Variants in PHLDB1 observed in about 807,000 individuals in gnomAD.
The protein encoded by PHLDB1 is pleckstrin homology like domain family B member 1, also known as pleckstrin homology-like domain family B member 1.
PHLDB1 carries 65 observed loss-of-function variants against 139.3 expected under a neutral mutation model. The ratio of observed to expected loss-of-function variants is 0.47; its 90% CI spans 0.38 to 0.57. The LOEUF is 0.57. Among genes scored for constraint, PHLDB1 ranks in the 20% least tolerant of loss-of-function variants. The pLI, the probability that PHLDB1 is intolerant of heterozygous loss-of-function variation, is 0.00. For synonymous variants in PHLDB1, 679 were observed against 734.5 expected (o/e 0.92, Z 1.22); for missense variants, 1,624 against 1,839.7 (o/e 0.88, Z 2.14).
At chr11:118,635,292 C>CG (rs1945460189) in intron 9 of PHLDB1, 101 bp from the exon 10 acceptor site, 1 of 1,361,376 alleles carries the variant, frequency 7.3e-7, no homozygotes, top group Non-Finnish European at 1.0e-6. Context: ...CCAATTTCCC[C>CG]GGGTCCAGCC....
At position 118,645,054 on chromosome 11, in the gene PHLDB1, G is replaced by A. The variant is rs1226506399; in HGVS notation, c.3122-302G>A. 1.1e-5 allele frequency: 4 copies of A among 375,130 alleles called. No homozygotes were observed. The highest frequency in any genetic ancestry group is 1.9e-5 in the Non-Finnish European group (4 of 210,002). 23.2% of individuals were successfully genotyped at this position (375,130 alleles called of 1,614,324 possible). ...ACTTAGGCCTTGGTTGTGAGCTGGA[G>A]CCAACTGGCTGTCGTGCTGCCCCAG... On this transcript the variant is annotated intron_variant, in intron 15 of 22. Coordinates refer to ENST00000600882, the MANE Select transcript of PHLDB1 (RefSeq NM_001144758.3). This position sits in a 1 kb window ranked among gnomAD's most constrained non-coding sequence, Gnocchi z 5.1.
In PHLDB1 at chr11:118,608,411, G is replaced by A. The variant is rs376423054; in HGVS notation, c.-22+712G>A. Among the ~76,000 whole-genome samples, 44 of 152,304 alleles carry A rather than the reference G, an allele frequency of 2.9e-4. No individual in the cohort carries two copies. Among genetic ancestry groups the A allele is most frequent in the African/African-American group, 1.0e-3 (42 of 41,568 alleles). Reference sequence around the variant, plus strand: ...GCGGAGGCTGACCCAAGTCATCCGGGCTCCCCCGGGATAGGGAAGTGCGGG... The same window carrying A: ...GCGGAGGCTGACCCAAGTCATCCGGACTCCCCCGGGATAGGGAAGTGCGGG... On this transcript the variant is annotated intron_variant, in intron 1 of 22. Coordinates refer to ENST00000600882, the MANE Select transcript of PHLDB1 (RefSeq NM_001144758.3). This position sits in a 1 kb window ranked among gnomAD's most constrained non-coding sequence, Gnocchi z 6.7.
chr11:118,616,124 C>A lies in PHLDB1; in HGVS notation c.268C>A (p.Leu90Met), dbSNP rs782379331. The change falls in exon 4 of 23, where the codon CTG (leucine) becomes ATG (methionine). Residue 90 changes from leucine (L) to methionine (M), a missense_variant. By Grantham distance (15) the Leu-to-Met change is conservative (BLOSUM62 2). Transcript: ENST00000600882. ...TCCAGAGCACTGCTACATCGAGAAC[C>A]TGCGGGGCACCCTCACCCTCTACCC... ...LAPEHCYIEN[L>M]RGTLTLYPCG... 4 of 1,614,124 alleles carry A rather than the reference C, an allele frequency of 2.5e-6. No individual in the cohort carries two copies. The highest frequency in any genetic ancestry group is 3.4e-6 in the Non-Finnish European group (4 of 1,179,960).
At chr11:118,642,068 T>TC in intron 12 of PHLDB1, 186 bp from the exon 13 acceptor site, 1 of 680,328 alleles carries the variant, frequency 1.5e-6, no homozygotes, top group South Asian at 1.7e-5. Flanking sequence ...CCTTCCTTCC[T>TC]CCCCTTCTTC....
chr11:118,625,792 G>T (rs781961163), intron 5 of PHLDB1, among the ~76,000 whole-genome samples: 13 of 152,102 alleles, frequency 8.5e-5, no homozygotes, highest in Non-Finnish European at 1.5e-4. Flanking sequence ...GTGATCACTG[G>T]GATTATCAGT....
rs1369554647 is a variant in PHLDB1, at chr11:118,657,204, G to A, written c.*381G>A. On this transcript the variant is annotated 3_prime_UTR_variant, in exon 23 of 23. Coordinates refer to ENST00000600882, the MANE Select transcript of PHLDB1 (RefSeq NM_001144758.3). ...GCTGAGCAGAGCCACATCCAGAGTG[G>A]GGTAATAGCTCAGGCGGCCCGCTTC... 1 of 167,456 alleles carries A rather than the reference G, an allele frequency of 6.0e-6. No homozygotes were observed. The highest frequency in any genetic ancestry group is 1.7e-4 in the East Asian group (1 of 6,050). The allele number at this position is 167,456 out of a possible 1,614,324, so 10.4% of individuals were successfully genotyped here.
At chr11:118,613,336 A>G (rs1415487501) in intron 1 of PHLDB1, 1 of 986,420 alleles carries the variant, frequency 1.0e-6, no homozygotes, top group African/African-American at 1.7e-5. Flanking sequence ...CAAATGGTGA[A>G]GAGGAGAATG....
chr11:118,646,531 T>A (rs1371783330), intron 17 of PHLDB1: 1 of 152,250 alleles, frequency 6.6e-6, no homozygotes, highest in Non-Finnish European at 1.5e-5. Context: ...ATGAGTGAAG[T>A]ATAGACCAGA....
intron 4 of PHLDB1, 38 bp from the exon 5 acceptor site, chr11:118,624,896 C>A: frequency 5.0e-6 from 8 of 1,607,746 alleles, no homozygotes; most frequent in Non-Finnish European, 6.8e-6. Flanking sequence ...AGGTGTGAGC[C>A]ACCACACCTG....
intron 12 of PHLDB1, 122 bp downstream of exon 12, chr11:118,639,373 A>G: frequency 1.4e-6 from 1 of 722,482 alleles, no homozygotes; most frequent in Admixed American, 2.1e-5. Flanking sequence ...TGAATGGGAG[A>G]GATTTGAGGA....
chr11:118,627,263 A>C (rs781828006), intron 5 of PHLDB1, 42 bp from the exon 6 acceptor site: 11 of 1,604,230 alleles, frequency 6.9e-6, no homozygotes, highest in Admixed American at 1.7e-5. Context: ...TTTTATGCAT[A>C]TGCAGCTCCC....
intron 9 of PHLDB1, chr11:118,634,363 C>G (rs1055802531): frequency 6.6e-6 from 1 of 152,440 alleles, no homozygotes; most frequent in Non-Finnish European, 1.5e-5. Flanking sequence ...CTTTAACATC[C>G]TCAGCTCCTG....
intron 20 of PHLDB1, chr11:118,651,633 A>G (rs4938520): frequency 0.31 from 47,607 of 151,142 alleles, 7,690 homozygotes; most frequent in Admixed American, 0.43. Flanking sequence ...CTAAAAATAC[A>G]AAAATTAGCT....
At chr11:118,623,238 G>A (rs782734667) in intron 4 of PHLDB1, among the ~76,000 whole-genome samples, 2 of 152,256 alleles carry the variant, frequency 1.3e-5, no homozygotes, top group African/African-American at 4.8e-5. Context: ...AGGAGGCTGA[G>A]GCCGGGGGCC....
Position 118,628,162 on chromosome 11 carries a change from G to C in PHLDB1, c.1339G>C (p.Gly447Arg). The change falls in exon 6 of 23, where the codon GGC becomes CGC. Residue 447 changes from glycine (G) to arginine (R), a missense_variant. Gly to Arg is a moderately radical substitution (Grantham distance 125). Coordinates refer to ENST00000600882, the MANE Select transcript of PHLDB1 (RefSeq NM_001144758.3). ...TLQPPESPRL[G>R]RRGLDSMREL... ...GCAGCCTCCTGAGAGTCCCCGCCTG[G>C]GCCGGCGGGGCCTGGACAGTATGCG... is the stretch of plus-strand genomic sequence containing the variant. 2 of 1,614,016 alleles carry C rather than the reference G, an allele frequency of 1.2e-6. No homozygotes were observed. Among genetic ancestry groups the C allele is most frequent in the Non-Finnish European group, 8.5e-7 (1 of 1,179,972 alleles).
rs1947283120 is a variant in PHLDB1, at chr11:118,645,190, C to G, written c.3122-166C>G. On this transcript the variant is annotated intron_variant, in intron 15 of 22. Transcript: ENST00000600882. This position sits in a 1 kb window ranked among gnomAD's most constrained non-coding sequence, Gnocchi z 5.1. ...GCAGGCGACTGAAGCATTGGCAGAG[C>G]AGCCAGGCCTGGAGCTGCAGGGGCC... 1 of 512,354 alleles carries G rather than the reference C, an allele frequency of 2.0e-6. No homozygotes were observed. The highest frequency in any genetic ancestry group is 3.8e-5 in the Admixed American group (1 of 26,654). The allele number at this position is 512,354 out of a possible 1,614,324, so 31.7% of individuals were successfully genotyped here. A position where few individuals can be genotyped will look rare whatever the true frequency, so the allele number is the denominator to read the frequency against.
chr11:118,613,787 C>G, intron 1 of PHLDB1, 29 bp from the exon 2 acceptor site: 3 of 1,471,664 alleles, frequency 2.0e-6, no homozygotes, highest in Non-Finnish European at 2.8e-6. Flanking sequence ...CTGGCCTCCC[C>G]ACTCACCACC....
chr11:118,645,830 G>T lies in PHLDB1; in HGVS notation c.3507+5G>T. The T allele has an allele frequency of 6.3e-7, 1 of 1,593,358 alleles. No homozygotes were observed. Among genetic ancestry groups the T allele is most frequent in the Non-Finnish European group, 8.6e-7 (1 of 1,161,440 alleles). On this transcript the variant is annotated splice_donor_5th_base_variant and intron_variant, in intron 17 of 22. Transcript: ENST00000600882. The surrounding 1 kb of genome is among the most constrained non-coding windows in gnomAD (Gnocchi z 5.1). ...AACCGGCTCATGGAGTCGAGGGTGA[G>T]TCTGACCTGGATCGGGGAGGCAGAA... is the stretch of plus-strand genomic sequence containing the variant.
chr11:118,645,374 A>G lies in PHLDB1; in HGVS notation c.3140A>G (p.Glu1047Gly). 6.6e-7 allele frequency: 1 copy of G among 1,519,412 alleles called. No individual in the cohort carries two copies. Among genetic ancestry groups the G allele is most frequent in the Non-Finnish European group, 8.8e-7 (1 of 1,133,672 alleles). The allele number at this position is 1,519,412 out of a possible 1,614,324, so 94.1% of individuals were successfully genotyped here. A position where few individuals can be genotyped will look rare whatever the true frequency, so the allele number is the denominator to read the frequency against. The change falls in exon 16 of 23, where the codon GAG (glutamate) becomes GGG (glycine). Residue 1047 changes from glutamate to glycine, a missense_variant. By Grantham distance (98) the Glu-to-Gly change is moderately conservative. Coordinates refer to ENST00000600882, the MANE Select transcript of PHLDB1 (RefSeq NM_001144758.3). The surrounding 1 kb of genome is among the most constrained non-coding windows in gnomAD (Gnocchi z 5.1). ...CCTTCAGGACAACAAGTGATTGAAG[A>G]GCAGCGGCGGCGACTGGCTGAGCTG... is the stretch of plus-strand genomic sequence containing the variant. ...LQQKGQQVIE[E>G]QRRRLAELKQ...
Sources: allele counts gnomAD v4.1 joint callset (sites outside exome capture counted in the v4.1 genomes callset), GRCh38; gene constraint gnomAD v4.1.1; non-coding constraint Gnocchi (gnomAD v3.1); transcripts MANE v1.5; gene names NCBI Gene and HGNC (gene_info 2026-07-23, HGNC 2026-07-21).